The following SIPA1L2 variants were observed in gnomAD, a reference collection of about 807,000 sequenced individuals.
SIPA1L2 encodes the protein signal induced proliferation associated 1 like 2, also known as signal-induced proliferation-associated 1-like protein 2.
Under a neutral mutation model 163.9 loss-of-function variants are expected in SIPA1L2, and 56 were observed. The observed-to-expected ratio is 0.34, with a 90% CI of 0.28 to 0.43. The LOEUF (loss-of-function observed/expected upper bound fraction) is 0.43, where lower values mean the gene tolerates loss of function less well. Ranked by LOEUF, SIPA1L2 falls within the 20% of genes least tolerant of loss-of-function variation. SIPA1L2 has a pLI of 1.00. For synonymous variants in SIPA1L2, 877 were observed against 865.7 expected (o/e 1.01, Z -0.23); for missense variants, 1,974 against 2,193.5 (o/e 0.90, Z 2.00).
At chr1:232,520,391 GC>G (rs1667409693) in intron 2 of SIPA1L2, among the ~76,000 whole-genome samples, 1 of 152,246 alleles carries the variant, frequency 6.6e-6, no homozygotes, top group African/African-American at 2.4e-5. Context: ...GCATGAAGGA[GC>G]TGTTCTCATG....
intron 1 of SIPA1L2, among the ~76,000 whole-genome samples, chr1:232,579,583 A>T (rs1479562061): frequency 6.6e-6 from 1 of 152,256 alleles, no homozygotes. Flanking sequence ...GGGAATCCAT[A>T]GAATAGGTTG....
chr1:232,543,629 GA>G (rs1306437136), intron 2 of SIPA1L2, among the ~76,000 whole-genome samples: 1 of 152,164 alleles, frequency 6.6e-6, no homozygotes, highest in East Asian at 1.9e-4. Flanking sequence ...AAGGCTTTGC[GA>G]GGCTGAGGAG....
At chr1:232,407,936 C>T (rs1660734084) in intron 19 of SIPA1L2, among the ~76,000 whole-genome samples, 1 of 152,148 alleles carries the variant, frequency 6.6e-6, no homozygotes, top group African/African-American at 2.4e-5. Context: ...TGACCCATAG[C>T]CAGGTTTTCT....
intron 1 of SIPA1L2, among the ~76,000 whole-genome samples, chr1:232,620,463 A>G (rs1186246001): frequency 6.6e-6 from 1 of 152,114 alleles, no homozygotes; most frequent in Non-Finnish European, 1.5e-5. Flanking sequence ...TGTCTCTTGA[A>G]ACTCTCCTAG....
chr1:232,472,690 G>T (rs947317458), intron 7 of SIPA1L2, among the ~76,000 whole-genome samples: 2 of 152,154 alleles, frequency 1.3e-5, no homozygotes, highest in Non-Finnish European at 2.9e-5. Context: ...GACAATCTCA[G>T]ATAGTAAATC....
chr1:232,430,610 T>C (rs557876585), intron 16 of SIPA1L2, among the ~76,000 whole-genome samples: 1 of 152,308 alleles, frequency 6.6e-6, no homozygotes, highest in East Asian at 1.9e-4. Flanking sequence ...CAGTCCTGTA[T>C]GACTGCCTTG....
intron 1 of SIPA1L2, among the ~76,000 whole-genome samples, chr1:232,603,398 T>G (rs954466320): frequency 1.3e-5 from 2 of 151,866 alleles, no homozygotes; most frequent in Admixed American, 6.6e-5. Context: ...ACCCCAGTGT[T>G]TAAAAGGCAT....
chr1:232,487,312 T>C (rs575558581), intron 5 of SIPA1L2, among the ~76,000 whole-genome samples: 1 of 152,312 alleles, frequency 6.6e-6, no homozygotes, highest in East Asian at 1.9e-4. Flanking sequence ...GAGCATATCT[T>C]TGAGTGTGCA....
chr1:232,575,991 A>C (rs1660056567), intron 1 of SIPA1L2, among the ~76,000 whole-genome samples: 1 of 152,332 alleles, frequency 6.6e-6, no homozygotes, highest in Middle Eastern at 3.4e-3. Context: ...ATAAAATCAG[A>C]AAGTACAACG....
intron 2 of SIPA1L2, among the ~76,000 whole-genome samples, chr1:232,549,841 T>C (rs1233620388): frequency 6.6e-6 from 1 of 152,196 alleles, no homozygotes; most frequent in African/African-American, 2.4e-5. Context: ...TAATTGACTA[T>C]ACCACCGCTG....
intron 1 of SIPA1L2, among the ~76,000 whole-genome samples, chr1:232,592,984 A>G (rs1295783615): frequency 6.6e-6 from 1 of 151,726 alleles, no homozygotes. Context: ...ATAGTGGTGC[A>G]GGTGCTGGAC....
At chr1:232,604,865 C>A (rs1439410928) in intron 1 of SIPA1L2, among the ~76,000 whole-genome samples, 1 of 152,134 alleles carries the variant, frequency 6.6e-6, no homozygotes, top group African/African-American at 2.4e-5. Flanking sequence ...TCCACTTCAT[C>A]TTCCGCCATG....
At chr1:232,469,686 T>C (rs1342968658) in intron 8 of SIPA1L2, among the ~76,000 whole-genome samples, 4 of 152,158 alleles carry the variant, frequency 2.6e-5, no homozygotes, top group African/African-American at 7.2e-5. Flanking sequence ...ATGGTATCTT[T>C]ATCACAGAAA....
chr1:232,488,224 A>T (rs187111581), intron 5 of SIPA1L2, among the ~76,000 whole-genome samples: 15 of 152,252 alleles, frequency 9.9e-5, no homozygotes, highest in Non-Finnish European at 2.1e-4. Context: ...AAGTGCTGAG[A>T]TTACAGGCAT....
At chr1:232,579,338 C>T (rs913769173) in intron 1 of SIPA1L2, among the ~76,000 whole-genome samples, 7 of 152,104 alleles carry the variant, frequency 4.6e-5, no homozygotes, top group Non-Finnish European at 8.8e-5. Flanking sequence ...GTTTTGCAGC[C>T]CCACACCACC....
intron 2 of SIPA1L2, among the ~76,000 whole-genome samples, chr1:232,532,861 T>C (rs538169841): frequency 4.6e-5 from 7 of 152,270 alleles, no homozygotes; most frequent in Admixed American, 2.6e-4. Flanking sequence ...GATGCCTACC[T>C]CTACTGCAGG....
At chr1:232,410,717 C>T (rs556316623) in intron 19 of SIPA1L2, among the ~76,000 whole-genome samples, 21 of 152,186 alleles carry the variant, frequency 1.4e-4, no homozygotes, top group Non-Finnish European at 1.8e-4. Flanking sequence ...CTCCCTGCAA[C>T]GTTTTCTTGC....
chr1:232,522,414 C>T (rs1667496986), intron 2 of SIPA1L2, among the ~76,000 whole-genome samples: 1 of 151,980 alleles, frequency 6.6e-6, no homozygotes, highest in Non-Finnish European at 1.5e-5. Context: ...AGGTGTTATC[C>T]ATCACACCTC....
intron 1 of SIPA1L2, among the ~76,000 whole-genome samples, chr1:232,593,584 G>A (rs1339305776): frequency 6.6e-6 from 1 of 152,022 alleles, no homozygotes; most frequent in Non-Finnish European, 1.5e-5. Context: ...GATTTGTTAT[G>A]GTTTTGTTCA....
Sources: gnomAD v4.1 joint callset for allele counts (sites outside exome capture counted in the v4.1 genomes callset) on GRCh38, gnomAD v4.1.1 for gene constraint, MANE v1.5 for transcripts, NCBI Gene and HGNC (gene_info 2026-07-23, HGNC 2026-07-21) for gene names.